Variants in DYSF observed in about 807,000 individuals in gnomAD.
DYSF encodes the protein dysferlin.
DYSF carries 212 observed loss-of-function variants against 274.9 expected under a neutral mutation model. That is an observed-to-expected ratio of 0.77 (90% CI 0.69 to 0.86). DYSF has a LOEUF of 0.86. Ranked by LOEUF, DYSF falls within the 40% of genes least tolerant of loss-of-function variation. The probability of loss-of-function intolerance (pLI) is 0.00; values close to 1 mark genes in which losing one functional copy is unlikely to be tolerated. For synonymous variants in DYSF, 1,091 were observed against 1,078.7 expected, an observed-to-expected ratio of 1.01 and a Z score of -0.22; for missense variants, 2,666 against 2,783.2, an observed-to-expected ratio of 0.96 and a Z score of 0.95.
chr2:71,623,782 A>G (rs942418035), intron 41 of DYSF, among the ~76,000 whole-genome samples: 8 of 152,216 alleles, frequency 5.3e-5, no homozygotes, highest in Non-Finnish European at 2.9e-5. Flanking sequence ...AAAAAAAATC[A>G]AAAGCAAGCC....
chr2:71,638,071 G>A (rs1194436569), intron 41 of DYSF, among the ~76,000 whole-genome samples: 1 of 151,944 alleles, frequency 6.6e-6, no homozygotes, highest in African/African-American at 2.4e-5. Flanking sequence ...GGGGAAAACA[G>A]TGTGGTAAGA....
intron 30 of DYSF, among the ~76,000 whole-genome samples, chr2:71,581,684 A>G (rs866892749): frequency 1.8e-4 from 28 of 152,332 alleles, no homozygotes; most frequent in Admixed American, 2.6e-4. Context: ...TCTGCCAGCT[A>G]ATTTGCTGTG....
intron 1 of DYSF, among the ~76,000 whole-genome samples, chr2:71,479,540 C>T (rs1398550385): frequency 1.3e-5 from 2 of 152,238 alleles, no homozygotes; most frequent in Non-Finnish European, 2.9e-5. Flanking sequence ...CTGTTTCTCC[C>T]AGCCTACGGC....
intron 1 of DYSF, among the ~76,000 whole-genome samples, chr2:71,473,627 C>T (rs559385279): frequency 4.9e-4 from 75 of 152,328 alleles, no homozygotes; most frequent in African/African-American, 1.8e-3. Context: ...TCTGCTCCTC[C>T]TGCTTCCCAT....
rs563546162 is a variant in DYSF, at chr2:71,533,379, G to A, written c.1381-1642G>A. Among the ~76,000 whole-genome samples the A allele has an allele frequency of 1.1e-4, 16 of 152,264 alleles. No individual in the cohort carries two copies. The South Asian group carries it at 1.7e-3, about 16-fold the overall frequency. On this transcript the variant is annotated intron_variant, in intron 14 of 55. Coordinates refer to ENST00000410020, the MANE Select transcript of DYSF (RefSeq NM_001130987.2). ...ATGGCTGCACATCACACCACTCTGC[G>A]CCTTGCTTTTTTCACTTAATCATAT... is the stretch of plus-strand genomic sequence containing the variant.
chr2:71,626,129 A>G (rs2094202736), intron 41 of DYSF, among the ~76,000 whole-genome samples: 1 of 151,460 alleles, frequency 6.6e-6, no homozygotes, highest in South Asian at 2.1e-4. Context: ...TTACTTTTTT[A>G]TTTTATTTTC....
chr2:71,586,033 G>A lies in DYSF; in HGVS notation c.3403-3560G>A, dbSNP rs559058230. Reference sequence around the variant, plus strand: ...AGGTAGGGGGTGTAGGGGTTTGGGGGTCTGTGGGTTTGGTAGTGTCCTGAC... The same window carrying A: ...AGGTAGGGGGTGTAGGGGTTTGGGGATCTGTGGGTTTGGTAGTGTCCTGAC... On this transcript the variant is annotated intron_variant, in intron 30 of 55. Transcript: ENST00000410020. Among the ~76,000 whole-genome samples the A allele has an allele frequency of 3.3e-5, 5 of 152,050 alleles. No individual in the cohort carries two copies. The East Asian group carries it at 9.7e-4, about 30-fold the overall frequency.
At chr2:71,497,248 C>T (rs1019697957) in intron 3 of DYSF, among the ~76,000 whole-genome samples, 1 of 152,104 alleles carries the variant, frequency 6.6e-6, no homozygotes, top group Non-Finnish European at 1.5e-5. Flanking sequence ...CTCAAATCAG[C>T]CTCCTCGAAA....
intron 42 of DYSF, 52 bp downstream of exon 42, chr2:71,644,115 T>C (rs757583145): frequency 7.0e-7 from 1 of 1,423,382 alleles, no homozygotes; most frequent in South Asian, 1.2e-5. Flanking sequence ...TACTGGGCAG[T>C]GGGAGACACA....
chr2:71,472,496 T>C (rs896633979), intron 1 of DYSF, among the ~76,000 whole-genome samples: 4 of 152,196 alleles, frequency 2.6e-5, no homozygotes, highest in African/African-American at 9.7e-5. Context: ...AAGCTCTGCC[T>C]CCCGGGTTCA....
chr2:71,468,610 G>T (rs754549871), intron 1 of DYSF, among the ~76,000 whole-genome samples: 3 of 152,030 alleles, frequency 2.0e-5, no homozygotes, highest in Non-Finnish European at 2.9e-5. Flanking sequence ...TGATCTCCTC[G>T]GAAAACAGAA....
At chr2:71,651,837 A>G (rs1436453582) in intron 42 of DYSF, among the ~76,000 whole-genome samples, 1 of 152,232 alleles carries the variant, frequency 6.6e-6, no homozygotes, top group Admixed American at 6.5e-5. Flanking sequence ...GAATATAAAA[A>G]GTTCAACATT....
chr2:71,612,520 A>G (rs2093787527), intron 38 of DYSF, 121 bp from the exon 39 acceptor site: 1 of 1,481,626 alleles, frequency 6.7e-7, no homozygotes. Flanking sequence ...GCCAGCCACC[A>G]TTTTGGATTT....
chr2:71,635,030 A>C (rs898850926), intron 41 of DYSF, among the ~76,000 whole-genome samples: 2 of 152,172 alleles, frequency 1.3e-5, no homozygotes, highest in African/African-American at 4.8e-5. Flanking sequence ...CATGACACCC[A>C]TGCAGCCATC....
At chr2:71,637,073 C>T (rs562472455) in intron 41 of DYSF, among the ~76,000 whole-genome samples, 1 of 152,080 alleles carries the variant, frequency 6.6e-6, no homozygotes, top group Non-Finnish European at 1.5e-5. Flanking sequence ...GTGTGGACAA[C>T]TCTTTCTAGA....
chr2:71,468,792 G>A (rs540993270), intron 1 of DYSF, among the ~76,000 whole-genome samples: 24 of 152,248 alleles, frequency 1.6e-4, no homozygotes, highest in African/African-American at 3.1e-4. Context: ...TAGCACCCTC[G>A]CCCTGACTGG....
At chr2:71,654,450 A>G (rs921591826) in intron 42 of DYSF, among the ~76,000 whole-genome samples, 1 of 152,196 alleles carries the variant, frequency 6.6e-6, no homozygotes, top group Non-Finnish European at 1.5e-5. Context: ...CTTGGATAGG[A>G]GATTTTAAAA....
intron 42 of DYSF, among the ~76,000 whole-genome samples, chr2:71,644,409 A>G (rs1382082161): frequency 6.6e-6 from 1 of 152,240 alleles, no homozygotes; most frequent in Non-Finnish European, 1.5e-5. Context: ...CAACATTATT[A>G]ATATTGCATG....
At chr2:71,542,005 CATT>C (rs1396117934) in intron 17 of DYSF, among the ~76,000 whole-genome samples, 1 of 152,152 alleles carries the variant, frequency 6.6e-6, no homozygotes, top group East Asian at 1.9e-4. Context: ...AAAATTCTGA[CATT>C]ATGCCATGGA....
Sources: gnomAD v4.1 joint callset for allele counts (sites outside exome capture counted in the v4.1 genomes callset) on GRCh38, gnomAD v4.1.1 for gene constraint, MANE v1.5 for transcripts, NCBI Gene and HGNC (gene_info 2026-07-23, HGNC 2026-07-21) for gene names.